Variants in INTS9 observed in about 807,000 individuals in gnomAD.
INTS9 encodes the protein protein related to CPSF subunits of 74 kDa.
In INTS9, 55 loss-of-function variants were observed where a neutral mutation model predicts 79.7. The ratio of observed to expected loss-of-function variants is 0.69; its 90% CI spans 0.56 to 0.86. The LOEUF is 0.86. Ranked by LOEUF, INTS9 falls within the 40% of genes least tolerant of loss-of-function variation. The pLI is 0.00. For missense variants in INTS9, 721 were observed against 831.5 expected (o/e 0.87, Z 1.64); for synonymous variants, 319 against 325.2 (o/e 0.98, Z 0.20).
At chr8:28,772,263 G>A (rs961886720) in intron 14 of INTS9, among the ~76,000 whole-genome samples, 5 of 152,238 alleles carry the variant, frequency 3.3e-5, no homozygotes, top group African/African-American at 7.2e-5. Context: ...GGTGGCTCAC[G>A]CCTGTAATTC....
chr8:28,796,449 C>T, intron 9 of INTS9, 95 bp downstream of exon 9: 1 of 696,490 alleles, frequency 1.4e-6, no homozygotes. Context: ...ACCCTGTAAG[C>T]ACTCCTTCCC....
intron 10 of INTS9, among the ~76,000 whole-genome samples, chr8:28,788,868 G>A (rs1245741592): frequency 6.6e-6 from 1 of 152,194 alleles, no homozygotes; most frequent in African/African-American, 2.4e-5. Flanking sequence ...TCTGGATAAA[G>A]CAAATGTGGC....
intron 1 of INTS9, among the ~76,000 whole-genome samples, chr8:28,881,058 G>A (rs1405079753): frequency 2.0e-5 from 3 of 150,014 alleles, no homozygotes; most frequent in East Asian, 2.0e-4. Flanking sequence ...CCCTCCGTCC[G>A]GCAACCACCC....
At chr8:28,843,352 C>T (rs1300599222) in intron 4 of INTS9, among the ~76,000 whole-genome samples, 1 of 152,206 alleles carries the variant, frequency 6.6e-6, no homozygotes, top group Non-Finnish European at 1.5e-5. Flanking sequence ...TTTCTTGTGA[C>T]ATTTTCTGCC....
At chr8:28,861,120 A>C (rs147669844) in intron 1 of INTS9, among the ~76,000 whole-genome samples, 36 of 152,344 alleles carry the variant, frequency 2.4e-4, no homozygotes, top group African/African-American at 8.2e-4. Flanking sequence ...ACTTACGATA[A>C]AAACAATACA....
Position 28,771,074 on chromosome 8 carries a change from C to G in INTS9, c.1570G>C (p.Asp524His), listed in dbSNP as rs772634536. The change falls in exon 15 of 17, where the codon GAT (aspartate) becomes CAT (histidine). Residue 524 changes from aspartate to histidine, a missense_variant. By Grantham distance (81) the Asp-to-His change is moderately conservative. Transcript: ENST00000521022. The part of the protein sequence containing the change: ...EKIEIMPELA[D>H]SLVPMEIKPG... ...TTGATCTCCATGGGCACCAGTGAAT[C>G]TGCGAGCTGAAAGCAAAGGGCGCAG... The G allele has an allele frequency of 5.6e-6, 9 of 1,607,978 alleles. 1 individual carries two copies. Among genetic ancestry groups the G allele is most frequent in the Admixed American group, 5.1e-5 (3 of 59,264 alleles).
chr8:28,798,519 T>C (rs959884456), intron 8 of INTS9: 1 of 152,276 alleles, frequency 6.6e-6, no homozygotes, highest in East Asian at 1.9e-4. Context: ...TTCTTTTTTT[T>C]CTTTGAGACA....
At chr8:28,865,845 C>T (rs931269082) in intron 1 of INTS9, among the ~76,000 whole-genome samples, 22 of 152,134 alleles carry the variant, frequency 1.4e-4, no homozygotes, top group Non-Finnish European at 5.9e-5. Context: ...ACTTTGAATA[C>T]GGCCTCTCTC....
Position 28,769,869 on chromosome 8 carries a change from CACCAGCGAA to C in INTS9, c.1800+11_1800+19del, listed in dbSNP as rs772097481. On this transcript the variant is annotated intron_variant, in intron 16 of 16. Transcript: ENST00000521022. ...GCTGCCACGTGTGGAGTTTTCACGG[CACCAGCGAA>C]ACCAGCTCACCTTCTCCAGGGTCTG... 1 of 1,612,660 alleles carries C rather than the reference CACCAGCGAA, an allele frequency of 6.2e-7. No homozygotes were observed. The highest frequency in any genetic ancestry group is 1.1e-5 in the South Asian group (1 of 90,942).
intron 8 of INTS9, among the ~76,000 whole-genome samples, chr8:28,802,748 C>T (rs972333127): frequency 5.3e-5 from 8 of 152,104 alleles, no homozygotes; most frequent in Non-Finnish European, 8.8e-5. Flanking sequence ...TATTCTACCA[C>T]GCCCTACAAT....
rs1296804335 is a variant in INTS9 at position 28,859,566 on chromosome 8, G to T, written c.10-3C>A. 1.2e-6 allele frequency: 2 copies of T among 1,613,806 alleles called. No homozygotes were observed. Among genetic ancestry groups the T allele is most frequent in the Non-Finnish European group, 1.7e-6 (2 of 1,179,760 alleles). On this transcript the variant is annotated splice_polypyrimidine_tract_variant and splice_region_variant and intron_variant, in intron 1 of 16. Transcript: ENST00000521022. ...GTTGGGTGCCCTGACAGGCAATACT[G>T]AAAAAAATTAAATCACTTTGATCAG...
chr8:28,781,923 T>C (rs988503573), intron 11 of INTS9, among the ~76,000 whole-genome samples: 2 of 152,110 alleles, frequency 1.3e-5, no homozygotes, highest in African/African-American at 2.4e-5. Context: ...CTGTAAACTC[T>C]GGGCTTTGGG....
intron 14 of INTS9, among the ~76,000 whole-genome samples, chr8:28,774,813 C>T (rs1345754055): frequency 6.6e-6 from 1 of 152,212 alleles, no homozygotes; most frequent in African/African-American, 2.4e-5. Context: ...AGCCTCCAAC[C>T]ATCCTCAACG....
At chr8:28,775,094 T>C (rs550493647) in intron 14 of INTS9, among the ~76,000 whole-genome samples, 26 of 152,272 alleles carry the variant, frequency 1.7e-4, no homozygotes, top group African/African-American at 5.5e-4. Flanking sequence ...CAGCAAACTC[T>C]TGACACTCAC....
At chr8:28,774,508 AC>A (rs1434882837) in intron 14 of INTS9, among the ~76,000 whole-genome samples, 1 of 152,028 alleles carries the variant, frequency 6.6e-6, no homozygotes, top group Non-Finnish European at 1.5e-5. Flanking sequence ...AAAATACCAG[AC>A]AAAAACAATC....
chr8:28,888,752 A>C (rs2131414487), intron 1 of INTS9, among the ~76,000 whole-genome samples: 1 of 152,242 alleles, frequency 6.6e-6, no homozygotes, highest in African/African-American at 2.4e-5. Flanking sequence ...ACAATTTCGG[A>C]ATTGAATCCA....
intron 4 of INTS9, among the ~76,000 whole-genome samples, chr8:28,841,509 T>C (rs1217948945): frequency 6.6e-6 from 1 of 152,156 alleles, no homozygotes; most frequent in African/African-American, 2.4e-5. Flanking sequence ...AATTATTCTG[T>C]TGGTATATAT....
At chr8:28,856,835 T>G (rs981344913) in intron 2 of INTS9, among the ~76,000 whole-genome samples, 3 of 152,182 alleles carry the variant, frequency 2.0e-5, no homozygotes, top group Non-Finnish European at 4.4e-5. Flanking sequence ...GTGAGCATAG[T>G]AGCCAAGAGT....
At chr8:28,849,927 G>T in intron 3 of INTS9, 1 of 289,346 alleles carries the variant, frequency 3.5e-6, no homozygotes, top group Non-Finnish European at 6.3e-6. Flanking sequence ...TGCAATTCTA[G>T]AAATAATAGT....
Sources: gnomAD v4.1 joint callset for allele counts (sites outside exome capture counted in the v4.1 genomes callset) on GRCh38, gnomAD v4.1.1 for gene constraint, MANE v1.5 for transcripts, NCBI Gene and HGNC (gene_info 2026-07-23, HGNC 2026-07-21) for gene names.